PCDHA12: variants seen among roughly 807,000 people sequenced by gnomAD.
PCDHA12 encodes protocadherin alpha-12.
Under a neutral mutation model 60.0 loss-of-function variants are expected in PCDHA12, and 44 were observed. The ratio of observed to expected loss-of-function variants is 0.73; its 90% CI spans 0.58 to 0.94. PCDHA12 has a LOEUF of 0.94. Among genes scored for constraint, PCDHA12 ranks in the 40% least tolerant of loss-of-function variants. The pLI, the probability that PCDHA12 is intolerant of heterozygous loss-of-function variation, is 0.00. For missense variants in PCDHA12, 1,276 were observed against 1,239.7 expected, an observed-to-expected ratio of 1.03 and a Z score of -0.44; for synonymous variants, 569 against 553.0, an observed-to-expected ratio of 1.03 and a Z score of -0.40.
At chr5:140,925,189 C>A (rs1488098385) in intron 1 of PCDHA12, among the ~76,000 whole-genome samples, 2 of 152,116 alleles carry the variant, frequency 1.3e-5, no homozygotes, top group African/African-American at 4.8e-5. Flanking sequence ...TACCATCACC[C>A]AGCTTCAATA....
chr5:140,985,504 A>G (rs1368014181), intron 3 of PCDHA12, among the ~76,000 whole-genome samples: 2 of 152,170 alleles, frequency 1.3e-5, no homozygotes, highest in Non-Finnish European at 2.9e-5. Context: ...CCTGCCTTTC[A>G]TTGATTCTGT....
chr5:140,883,905 G>A (rs781818160), intron 1 of PCDHA12: 2 of 1,613,458 alleles, frequency 1.2e-6, no homozygotes, highest in Non-Finnish European at 1.7e-6. Flanking sequence ...CCGCCTCTGG[G>A]CAGCAACGTG....
In PCDHA12 at chr5:140,877,782, GGCCTTCAGCCCAA is replaced by G; in HGVS notation, c.2320_2332del (p.Pro774CysfsTer7). ...AGAGCCCGCCCAAGACGGACCTCAT[GGCCTTCAGCCCAA>G]GCCTTCAGCTGTCTCGAGAAGATTG... On this transcript the variant is annotated frameshift_variant, in exon 1 of 4. Coordinates refer to ENST00000398631, the MANE Select transcript of PCDHA12 (RefSeq NM_018903.4). LOFTEE classifies it high-confidence loss of function. 1 of 1,614,154 alleles carries G rather than the reference GGCCTTCAGCCCAA, an allele frequency of 6.2e-7. No individual in the cohort carries two copies. Among genetic ancestry groups the G allele is most frequent in the Non-Finnish European group, 8.5e-7 (1 of 1,180,016 alleles).
At chr5:140,968,116 A>C in intron 1 of PCDHA12, 1 of 1,614,174 alleles carries the variant, frequency 6.2e-7, no homozygotes, top group South Asian at 1.1e-5. Context: ...CGCAGCTCAC[A>C]TCCCTGCGTA....
intron 1 of PCDHA12, chr5:140,928,095 G>T (rs782045221): frequency 1.9e-6 from 3 of 1,614,190 alleles, no homozygotes; most frequent in Non-Finnish European, 1.7e-6. Flanking sequence ...TGATTGATGG[G>T]CCCCTGGACC....
rs571871387 is a variant in PCDHA12 at position 140,877,217 on chromosome 5, C to A, written c.1745C>A (p.Pro582Gln). The change falls in exon 1 of 4, where the codon CCG becomes CAG. Residue 582 changes from proline (P) to glutamine (Q), a missense_variant. By Grantham distance (76) the Pro-to-Gln change is moderately conservative. Transcript: ENST00000398631. ...GGAGGCGCAGTTAGCGAGTTGGTAC[C>A]GCGGTCGGTGGGTGCGGGCCACGTG... ...SAGGAVSELV[P>Q]RSVGAGHVVA... 1.2e-6 allele frequency: 2 copies of A among 1,613,742 alleles called. No homozygotes were observed. The highest frequency in any genetic ancestry group is 1.3e-5 in the African/African-American group (1 of 75,056).
At chr5:140,991,440 C>T (rs2097452926) in intron 3 of PCDHA12, among the ~76,000 whole-genome samples, 1 of 152,190 alleles carries the variant, frequency 6.6e-6, no homozygotes, top group Non-Finnish European at 1.5e-5. Context: ...AACTTCATGG[C>T]TTAAAACAAC....
chr5:140,892,180 T>G (rs1176959692), intron 1 of PCDHA12, among the ~76,000 whole-genome samples: 1 of 152,224 alleles, frequency 6.6e-6, no homozygotes, highest in Non-Finnish European at 1.5e-5. Flanking sequence ...GGGATCCTCA[T>G]GGGTCTATTC....
intron 1 of PCDHA12, chr5:140,883,858 G>C (rs2059854560): frequency 6.2e-7 from 1 of 1,613,142 alleles, no homozygotes; most frequent in Middle Eastern, 1.8e-4. Context: ...AGCTGGAGCT[G>C]TTGCAGTTCC....
intron 1 of PCDHA12, chr5:140,884,480 A>T (rs782532542): frequency 7.4e-6 from 12 of 1,613,662 alleles, no homozygotes; most frequent in Non-Finnish European, 9.3e-6. Flanking sequence ...GGGCAAGCCC[A>T]CTCTAGTGTG....
In PCDHA12 at chr5:141,010,299, T is replaced by G; in HGVS notation, c.*362T>G. ...TCTTGATGACACTTGCAGGGCAGGCTGAAAAGTTTTGAGATTGAGCAGCTT... is the reference window on the plus strand; with the variant it reads ...TCTTGATGACACTTGCAGGGCAGGCGGAAAAGTTTTGAGATTGAGCAGCTT... On this transcript the variant is annotated 3_prime_UTR_variant, in exon 4 of 4. Transcript: ENST00000398631. 6.5e-7 allele frequency: 1 copy of G among 1,549,016 alleles called. No homozygotes were observed. The highest frequency in any genetic ancestry group is 2.4e-5 in the East Asian group (1 of 40,892).
At chr5:140,967,042 G>A (rs781848948) in intron 1 of PCDHA12, 1 of 1,611,904 alleles carries the variant, frequency 6.2e-7, no homozygotes, top group Admixed American at 1.7e-5. Flanking sequence ...ACCTGGAGCT[G>A]GACCTGACGA....
chr5:140,880,707 G>A (rs1017608107), intron 1 of PCDHA12, among the ~76,000 whole-genome samples: 2 of 152,180 alleles, frequency 1.3e-5, no homozygotes, highest in East Asian at 3.8e-4. Context: ...TGACAATGTT[G>A]AGCAGCTTAA....
At chr5:140,903,690 T>C (rs2070508211) in intron 1 of PCDHA12, among the ~76,000 whole-genome samples, 1 of 152,224 alleles carries the variant, frequency 6.6e-6, no homozygotes, top group African/African-American at 2.4e-5. Context: ...TGGTAAATAG[T>C]TTAAAATAGT....
At position 140,924,901 on chromosome 5, in the gene PCDHA12, A is replaced by AAAAT. The variant is rs1554202314; in HGVS notation, c.2367+47065_2367+47066insTAAA. ...CAGAGCAAGAACCTGTCTCAAAAAA[A>AAAAT]AAAATAAAATAAAATAAAATAAAAT... On this transcript the variant is annotated intron_variant, in intron 1 of 3. Coordinates refer to ENST00000398631, the MANE Select transcript of PCDHA12 (RefSeq NM_018903.4). 7.3e-4 allele frequency among the ~76,000 whole-genome samples: 59 copies of AAAAT among 80,496 alleles called. 1 individual carries two copies. The highest frequency in any genetic ancestry group is 6.1e-3 in the Middle Eastern group (1 of 164). The allele number at this position is 80,496 out of a possible 152,430, so 52.8% of individuals were successfully genotyped here. A position where few individuals can be genotyped will look rare whatever the true frequency, so the allele number is the denominator to read the frequency against.
intron 1 of PCDHA12, among the ~76,000 whole-genome samples, chr5:140,941,249 TTCTTTC>T (rs1367740560): frequency 3.0e-4 from 42 of 138,342 alleles, no homozygotes; most frequent in South Asian, 7.1e-4. Context: ...CTTTCTTTCT[TTCTTTC>T]TCTTTCTTTC....
At position 140,966,988 on chromosome 5, in the gene PCDHA12, G is replaced by C. The variant is rs782004679; in HGVS notation, c.2368-11961G>C. 1.2e-5 allele frequency: 20 copies of C among 1,603,962 alleles called. No homozygotes were observed. The African/African-American group carries it at 2.1e-4, about 17-fold the overall frequency. Reference sequence around the variant, plus strand: ...GGCTTGAGCTGCGGCGCTTGGGGCCGGGTTGCTTGCGCATCAACCATCTGG... The same window carrying C: ...GGCTTGAGCTGCGGCGCTTGGGGCCCGGTTGCTTGCGCATCAACCATCTGG... On this transcript the variant is annotated intron_variant, in intron 1 of 3. Transcript: ENST00000398631.
intron 3 of PCDHA12, among the ~76,000 whole-genome samples, chr5:140,986,213 C>G (rs1554247816): frequency 6.6e-6 from 1 of 152,208 alleles, no homozygotes. Context: ...TTACTGGCCC[C>G]TTTCTCTAGC....
At position 140,973,495 on chromosome 5, in the gene PCDHA12, T is replaced by TA. The variant is rs148545809; in HGVS notation, c.2368-5454_2368-5453insA. Among the ~76,000 whole-genome samples, 585 of 152,336 alleles carry TA rather than the reference T, an allele frequency of 3.8e-3. 2 individuals are homozygous for TA. Among genetic ancestry groups the TA allele is most frequent in the African/African-American group, 0.013 (553 of 41,574 alleles). ...AATTTCATATTGGTCACAGGACTCTTCTTCTGAGAAAAAGTTTATTTTCTT... is the reference window on the plus strand; with the variant it reads ...AATTTCATATTGGTCACAGGACTCTTACTTCTGAGAAAAAGTTTATTTTCTT... On this transcript the variant is annotated intron_variant, in intron 1 of 3. Coordinates refer to ENST00000398631, the MANE Select transcript of PCDHA12 (RefSeq NM_018903.4).
Sources: gnomAD v4.1 joint callset for allele counts (sites outside exome capture counted in the v4.1 genomes callset) on GRCh38, gnomAD v4.1.1 for gene constraint, MANE v1.5 for transcripts, NCBI Gene and HGNC (gene_info 2026-07-23, HGNC 2026-07-21) for gene names.